Variants in SCN3A observed in about 807,000 individuals in gnomAD.
The protein encoded by SCN3A is sodium channel protein type 3 subunit alpha.
A neutral mutation model predicts 187.6 loss-of-function variants in SCN3A; 60 were observed. The observed-to-expected ratio is 0.32, with a 90% confidence interval of 0.26 to 0.40. The LOEUF (loss-of-function observed/expected upper bound fraction) is 0.40, where lower values mean the gene tolerates loss of function less well. Among genes scored for constraint, SCN3A ranks in the 10% least tolerant of loss-of-function variants. The pLI is 1.00. For synonymous variants in SCN3A, 788 were observed against 829.2 expected, an observed-to-expected ratio of 0.95 and a Z score of 0.85; for missense variants, 1,601 against 2,428.2, an observed-to-expected ratio of 0.66 and a Z score of 7.16.
At chr2:165,194,195 TG>T (rs1190364798) in intron 1 of SCN3A, among the ~76,000 whole-genome samples, 1 of 152,158 alleles carries the variant, frequency 6.6e-6, no homozygotes, top group Non-Finnish European at 1.5e-5. Flanking sequence ...TGCTGTCACT[TG>T]TGTGATATAT....
chr2:165,149,270 G>T (rs898919948), intron 11 of SCN3A, among the ~76,000 whole-genome samples: 2 of 151,718 alleles, frequency 1.3e-5, no homozygotes, highest in Admixed American at 6.6e-5. Flanking sequence ...CCACCCCCGG[G>T]TTCAAGTGAT....
At position 165,088,877 on chromosome 2, in the gene SCN3A, C is replaced by T. The variant is rs1323684408; in HGVS notation, c.*1273G>A. ...TGTTTCCTTGAAATCTAGAGAGATA[C>T]CATATGATACTCATGTTGAATTAAA... On this transcript the variant is annotated 3_prime_UTR_variant, in exon 28 of 28. Transcript: ENST00000283254. 6.6e-6 allele frequency: 1 copy of T among 152,404 alleles called. No individual in the cohort carries two copies. The highest frequency in any genetic ancestry group is 1.5e-5 in the Non-Finnish European group (1 of 67,962). The allele number at this position is 152,404 out of a possible 1,614,324, so 9.4% of individuals were successfully genotyped here. A position where few individuals can be genotyped will look rare whatever the true frequency, so the allele number is the denominator to read the frequency against.
At chr2:165,131,497 C>A in intron 15 of SCN3A, 80 bp from the exon 16 acceptor site, 1 of 961,140 alleles carries the variant, frequency 1.0e-6, no homozygotes, top group South Asian at 2.1e-5. Context: ...AGAACATTAA[C>A]AGGAATAAAA....
rs1359606281 is a variant in SCN3A, at chr2:165,176,350, G to C, written c.45C>G (p.Arg15=). Residue 15 remains arginine, a synonymous_variant, in exon 3 of 28, where the codon CGC becomes CGG. Coordinates refer to ENST00000283254, the MANE Select transcript of SCN3A (RefSeq NM_006922.4). ...LLVPPGPESF[R]LFTRESLAAI... ...CAGCAAGAGATTCTCTAGTAAAAAG[G>C]CGGAAGCTTTCAGGTCCTGGGGGTA... 6.2e-7 allele frequency: 1 copy of C among 1,614,022 alleles called. No individual in the cohort carries two copies. Among genetic ancestry groups the C allele is most frequent in the Admixed American group, 1.7e-5 (1 of 59,998 alleles).
At position 165,170,492 on chromosome 2, in the gene SCN3A, G is replaced by A; in HGVS notation, c.321C>T (p.Ala107=). 1 of 1,611,676 alleles carries A rather than the reference G, an allele frequency of 6.2e-7. No individual in the cohort carries two copies. The highest frequency in any genetic ancestry group is 8.5e-7 in the Non-Finnish European group (1 of 1,178,434). Reference sequence around the variant, plus strand: ...GGTTTAGTGGAGTTAAAATATACAAGGCAGAGGTGGCACTGAATCGGAAAA... The same window carrying A: ...GGTTTAGTGGAGTTAAAATATACAAAGCAGAGGTGGCACTGAATCGGAAAA... ...KAIFRFSATS[A]LYILTPLNPV... is the part of the protein sequence containing the mutation. Residue 107 remains alanine, a synonymous_variant, in exon 4 of 28, where the codon GCC becomes GCT. Transcript: ENST00000283254.
At chr2:165,200,613 C>G (rs751264037) in intron 1 of SCN3A, among the ~76,000 whole-genome samples, 1 of 152,000 alleles carries the variant, frequency 6.6e-6, no homozygotes, top group Non-Finnish European at 1.5e-5. Context: ...TTTAAGCCTC[C>G]CAAGCTCTTA....
At chr2:165,179,400 T>G (rs762398778) in intron 2 of SCN3A, among the ~76,000 whole-genome samples, 23 of 152,176 alleles carry the variant, frequency 1.5e-4, no homozygotes, top group Non-Finnish European at 2.9e-4. Flanking sequence ...TCCTGGTTGG[T>G]TTTTGTTTTA....
chr2:165,121,264 A>G (rs1429686978), intron 18 of SCN3A, among the ~76,000 whole-genome samples: 2 of 152,148 alleles, frequency 1.3e-5, no homozygotes, highest in Admixed American at 6.5e-5. Flanking sequence ...TTGCTTTCCA[A>G]ATTCCAAAAA....
At chr2:165,135,587 G>T (rs1333811168) in intron 15 of SCN3A, among the ~76,000 whole-genome samples, 1 of 151,992 alleles carries the variant, frequency 6.6e-6, no homozygotes. Context: ...ACCAATGATA[G>T]AAATTCTTTC....
In SCN3A at chr2:165,092,097, C is replaced by G; in HGVS notation, c.4807+157G>C. The G allele has an allele frequency of 1.3e-6, 1 of 749,624 alleles. No individual in the cohort carries two copies. Among genetic ancestry groups the G allele is most frequent in the Non-Finnish European group, 2.3e-6 (1 of 444,312 alleles). The allele number at this position is 749,624 out of a possible 1,614,324, so 46.4% of individuals were successfully genotyped here. ...CTAACTAGTTAGCTTTGTGAATAAA[C>G]CCAGGTTTCAGAGTTTTTATTCAAA... On this transcript the variant is annotated intron_variant, in intron 27 of 27. Transcript: ENST00000283254. The surrounding 1 kb of genome is among the most constrained non-coding windows in gnomAD (Gnocchi z 4.2).
At position 165,141,741 on chromosome 2, in the gene SCN3A, C is replaced by T. The variant is rs142344877; in HGVS notation, c.1672-743G>A. Among the ~76,000 whole-genome samples the T allele has an allele frequency of 6.2e-3, 939 of 152,230 alleles. 17 individuals carry two copies. The highest frequency in any genetic ancestry group is 0.02 in the African/African-American group (844 of 41,540). On this transcript the variant is annotated intron_variant, in intron 12 of 27. Coordinates refer to ENST00000283254, the MANE Select transcript of SCN3A (RefSeq NM_006922.4). The stretch of plus-strand genomic sequence containing the variant: ...CACAGAGGATTCCTAAACTGCTACA[C>T]AAATTACTCTTCTTGTGTAAAATAT...
chr2:165,157,430 A>C (rs533030063), intron 9 of SCN3A, among the ~76,000 whole-genome samples: 1 of 152,254 alleles, frequency 6.6e-6, no homozygotes, highest in African/African-American at 2.4e-5. Context: ...GATTATATTT[A>C]GGTTATGGAT....
intron 18 of SCN3A, among the ~76,000 whole-genome samples, chr2:165,117,002 A>C (rs550774584): frequency 1.7e-4 from 25 of 146,460 alleles, no homozygotes; most frequent in African/African-American, 6.1e-4. Flanking sequence ...AGAGGTGGGA[A>C]AGCCAAGACA....
Position 165,176,289 on chromosome 2 carries a change from T to C in SCN3A, c.106A>G (p.Lys36Glu). 2 of 1,614,168 alleles carry C rather than the reference T, an allele frequency of 1.2e-6. No homozygotes were observed. Among genetic ancestry groups the C allele is most frequent in the Non-Finnish European group, 1.7e-6 (2 of 1,180,022 alleles). ...EKRAAEEKAK[K>E]PKKEQDNDDE... The stretch of plus-strand genomic sequence containing the variant: ...TCATTATCTTGTTCCTTTTTGGGCT[T>C]CTTGGCTTTCTCTTCTGCAGCACGT... Residue 36 changes from lysine to glutamate, a missense_variant, in exon 3 of 28, where the codon AAG becomes GAG. Physicochemically the swap from Lys to Glu is moderately conservative, Grantham distance 56. Coordinates refer to ENST00000283254, the MANE Select transcript of SCN3A (RefSeq NM_006922.4).
intron 11 of SCN3A, 73 bp downstream of exon 11, chr2:165,154,379 C>CCA: frequency 2.0e-6 from 3 of 1,491,078 alleles, no homozygotes; most frequent in Middle Eastern, 1.8e-4. Flanking sequence ...AATCTACCCT[C>CCA]TATAGTATAA....
In SCN3A at chr2:165,095,614, T is replaced by C. The variant is rs775327851; in HGVS notation, c.4328A>G (p.Tyr1443Cys). ...AAAGATGACAAAGTATAAATACATG[T>C]ACAGATTTTCTTCATATACAGGCTG... ...KLQPVYEENL[Y>C]MYLYFVIFII... The change falls in exon 25 of 28, where the codon TAC becomes TGC. Residue 1443 changes from tyrosine (Y) to cysteine (C), a missense_variant. Tyr to Cys is a radical substitution (Grantham distance 194). Around this residue, in one of 11 missense-constraint regions of SCN3A, gnomAD observed 320 missense variants for 623.2 expected, o/e 0.51. Coordinates refer to ENST00000283254, the MANE Select transcript of SCN3A (RefSeq NM_006922.4). 6.6e-7 allele frequency: 1 copy of C among 1,521,238 alleles called. No individual in the cohort carries two copies. The highest frequency in any genetic ancestry group is 1.7e-5 in the Admixed American group (1 of 59,816). The allele number at this position is 1,521,238 out of a possible 1,614,324, so 94.2% of individuals were successfully genotyped here.
chr2:165,139,428 A>C (rs892985306), intron 14 of SCN3A, 48 bp downstream of exon 14: 22 of 1,612,706 alleles, frequency 1.4e-5, no homozygotes, highest in Non-Finnish European at 1.8e-5. Flanking sequence ...AATAGTTCAC[A>C]AAGCACATAA....
chr2:165,154,738 G>T, intron 10 of SCN3A, 80 bp from the exon 11 acceptor site: 2 of 1,351,930 alleles, frequency 1.5e-6, no homozygotes, highest in Non-Finnish European at 2.1e-6. Context: ...CAGTTAGATA[G>T]TCAGTAGACT....
In SCN3A at chr2:165,127,984, C is replaced by G; in HGVS notation, c.3040G>C (p.Gly1014Arg). ...ATCTTATTTTTCACATAATCAATTC[C>G]CTTTTGCATTCTTCCTACTGCAATC... is the stretch of plus-strand genomic sequence containing the variant. Reference protein sequence around the residue: ...LQIAVGRMQKGIDYVKNKMRE... With the variant: ...LQIAVGRMQKRIDYVKNKMRE... The change falls in exon 18 of 28, where the codon GGA becomes CGA. Residue 1014 changes from glycine to arginine, a missense_variant. Physicochemically the swap from Gly to Arg is moderately radical, Grantham distance 125. This residue lies in a region of SCN3A where 267 missense variants were observed against 313.2 expected (regional missense o/e 0.85). Transcript: ENST00000283254. 1 of 1,614,014 alleles carries G rather than the reference C, an allele frequency of 6.2e-7. No individual in the cohort carries two copies. Among genetic ancestry groups the G allele is most frequent in the Non-Finnish European group, 8.5e-7 (1 of 1,179,996 alleles).
Sources: allele counts gnomAD v4.1 joint callset (sites outside exome capture counted in the v4.1 genomes callset), GRCh38; gene constraint gnomAD v4.1.1; regional missense constraint gnomAD v4.1.1; non-coding constraint Gnocchi (gnomAD v3.1); transcripts MANE v1.5; gene names NCBI Gene and HGNC (gene_info 2026-07-23, HGNC 2026-07-21).